Variants in LRP1B observed in about 807,000 individuals in gnomAD.
LRP1B encodes LDL receptor related protein 1B, also known as low-density lipoprotein receptor-related protein 1B.
In LRP1B, 217 loss-of-function variants were observed where a neutral mutation model predicts 556.6. That is an observed-to-expected ratio of 0.39 (90% CI 0.35 to 0.44). The LOEUF (loss-of-function observed/expected upper bound fraction) is 0.44, where lower values mean the gene tolerates loss of function less well. Among genes scored for constraint, LRP1B ranks in the 20% least tolerant of loss-of-function variants. The probability of loss-of-function intolerance (pLI) is 1.00; values close to 1 mark genes in which losing one functional copy is unlikely to be tolerated. For synonymous variants in LRP1B, 2,047 were observed against 1,865.8 expected (o/e 1.10, Z -2.50); for missense variants, 5,053 against 5,620.8 (o/e 0.90, Z 3.23).
intron 22 of LRP1B, 45 bp from the exon 23 acceptor site, chr2:140,903,210 C>T (rs374187031): frequency 1.3e-4 from 211 of 1,593,150 alleles, no homozygotes; most frequent in Non-Finnish European, 1.7e-4. Context: ...CAATTGCTTT[C>T]CTCAGTTAAA....
At chr2:141,789,027 A>T (rs550632661) in intron 2 of LRP1B, among the ~76,000 whole-genome samples, 1 of 152,160 alleles carries the variant, frequency 6.6e-6, no homozygotes, top group African/African-American at 2.4e-5. Flanking sequence ...AGCATGATTT[A>T]TAATCCTTTG....
At chr2:140,834,806 C>A (rs1439668205) in intron 31 of LRP1B, among the ~76,000 whole-genome samples, 1 of 152,146 alleles carries the variant, frequency 6.6e-6, no homozygotes, top group African/African-American at 2.4e-5. Context: ...AAATTTAACT[C>A]ATACTGTTAA....
intron 1 of LRP1B, among the ~76,000 whole-genome samples, chr2:142,027,104 T>C (rs962208717): frequency 4.6e-5 from 7 of 152,124 alleles, no homozygotes; most frequent in South Asian, 4.1e-4. Flanking sequence ...GGAATCTGCA[T>C]GCGCTTTGTG....
intron 2 of LRP1B, among the ~76,000 whole-genome samples, chr2:141,492,501 G>A (rs1390968586): frequency 1.3e-5 from 2 of 152,232 alleles, no homozygotes; most frequent in East Asian, 3.9e-4. Context: ...CAAAACAAAA[G>A]AAGTTGTTCA....
intron 6 of LRP1B, among the ~76,000 whole-genome samples, chr2:141,223,891 A>G (rs1430983203): frequency 6.6e-6 from 1 of 152,226 alleles, no homozygotes; most frequent in Non-Finnish European, 1.5e-5. Flanking sequence ...CTCAAGATGG[A>G]TTAAAGATTT....
intron 7 of LRP1B, among the ~76,000 whole-genome samples, chr2:141,155,274 TTTAA>T (rs1163924296): frequency 6.6e-6 from 1 of 151,766 alleles, no homozygotes; most frequent in Admixed American, 6.6e-5. Context: ...TTCAGAAAGT[TTTAA>T]TTTTTACTGG....
intron 77 of LRP1B, 95 bp from the exon 78 acceptor site, chr2:140,335,933 G>T: frequency 1.3e-6 from 1 of 769,908 alleles, no homozygotes; most frequent in South Asian, 1.5e-5. Flanking sequence ...GGAATTGTAA[G>T]AACATAGTCA....
At chr2:141,098,765 C>T (rs765094481) in intron 7 of LRP1B, among the ~76,000 whole-genome samples, 2 of 152,212 alleles carry the variant, frequency 1.3e-5, no homozygotes, top group Admixed American at 1.3e-4. Context: ...TCAAGTGATT[C>T]TCCTGCCTCA....
intron 2 of LRP1B, among the ~76,000 whole-genome samples, chr2:141,487,406 T>C (rs1475773646): frequency 6.6e-5 from 10 of 152,182 alleles, no homozygotes; most frequent in Admixed American, 4.6e-4. Flanking sequence ...TCCTGGCTAA[T>C]TTCTACTTCC....
chr2:141,744,868 G>C (rs183734131), intron 2 of LRP1B, among the ~76,000 whole-genome samples: 59 of 152,196 alleles, frequency 3.9e-4, no homozygotes, highest in African/African-American at 1.3e-3. Context: ...AAAGCACTTG[G>C]GTATTGTGAT....
intron 35 of LRP1B, among the ~76,000 whole-genome samples, chr2:140,765,930 G>A (rs1444895552): frequency 2.0e-5 from 3 of 152,038 alleles, no homozygotes; most frequent in African/African-American, 4.8e-5. Flanking sequence ...GAGTTAATGG[G>A]TGCAGCACAC....
At chr2:141,397,686 C>T (rs1485824387) in intron 3 of LRP1B, among the ~76,000 whole-genome samples, 1 of 151,726 alleles carries the variant, frequency 6.6e-6, no homozygotes, top group Admixed American at 6.6e-5. Context: ...AAATACTTGG[C>T]ATATTCTCAC....
At chr2:141,749,679 G>T (rs1694039928) in intron 2 of LRP1B, among the ~76,000 whole-genome samples, 1 of 152,100 alleles carries the variant, frequency 6.6e-6, no homozygotes, top group South Asian at 2.1e-4. Context: ...GGCATGAGAG[G>T]ATACTAAGGA....
chr2:140,585,438 T>C (rs563056360), intron 43 of LRP1B, among the ~76,000 whole-genome samples: 176 of 152,128 alleles, frequency 1.2e-3, no homozygotes, highest in Non-Finnish European at 2.2e-3. Flanking sequence ...ATGTTCTATT[T>C]TACTACCAAG....
intron 2 of LRP1B, among the ~76,000 whole-genome samples, chr2:141,526,136 T>C (rs2105182909): frequency 6.6e-6 from 1 of 152,190 alleles, no homozygotes; most frequent in Non-Finnish European, 1.5e-5. Context: ...CTATGCATAC[T>C]GTCTCCTTAG....
chr2:140,776,761 C>A (rs1471393194), intron 32 of LRP1B, among the ~76,000 whole-genome samples: 1 of 151,958 alleles, frequency 6.6e-6, no homozygotes, highest in African/African-American at 2.4e-5. Context: ...CAATTGTTAA[C>A]CTTCTCTATT....
rs114167119 is a variant in LRP1B, at chr2:140,477,632, G to T, written c.9426-2295C>A. ...TTCTTAAGTAAACTACAAATTTCAA[G>T]TGGTCTAACTTCCATATAATTGCAA... On this transcript the variant is annotated intron_variant, in intron 59 of 90. Coordinates refer to ENST00000389484, the MANE Select transcript of LRP1B (RefSeq NM_018557.3). Among the ~76,000 whole-genome samples the T allele has an allele frequency of 6.5e-3, 988 of 152,198 alleles. 14 individuals carry two copies. Among genetic ancestry groups the T allele is most frequent in the African/African-American group, 0.023 (943 of 41,526 alleles).
intron 2 of LRP1B, among the ~76,000 whole-genome samples, chr2:141,694,699 G>T (rs1246625781): frequency 6.6e-6 from 1 of 151,412 alleles, no homozygotes; most frequent in Non-Finnish European, 1.5e-5. Context: ...GGAACAAATG[G>T]TGCTCTTTAG....
At chr2:140,498,244 A>T (rs1259866416) in intron 55 of LRP1B, among the ~76,000 whole-genome samples, 1 of 151,814 alleles carries the variant, frequency 6.6e-6, no homozygotes, top group Non-Finnish European at 1.5e-5. Context: ...AGTTACATTA[A>T]TTTTTATAAG....
Sources: allele counts gnomAD v4.1 joint callset (sites outside exome capture counted in the v4.1 genomes callset), GRCh38; gene constraint gnomAD v4.1.1; transcripts MANE v1.5; gene names NCBI Gene and HGNC (gene_info 2026-07-23, HGNC 2026-07-21).